MINAR1: variants seen among roughly 807,000 people sequenced by gnomAD.
The protein encoded by MINAR1 is major intrinsically disordered Notch2-binding receptor 1.
Under a neutral mutation model 65.1 loss-of-function variants are expected in MINAR1, and 40 were observed. That is an observed-to-expected ratio of 0.61 (90% CI 0.48 to 0.80). MINAR1 has a LOEUF of 0.80. MINAR1 is among the 30% of genes least tolerant of loss of function. MINAR1 has a pLI of 0.00. For missense variants in MINAR1, 1,128 were observed against 1,148.0 expected (o/e 0.98, Z 0.25); for synonymous variants, 482 against 449.1 (o/e 1.07, Z -0.93).
chr15:79,469,682 A>C lies in MINAR1; in HGVS notation c.*1298A>C, dbSNP rs1394241104. 1.3e-5 allele frequency: 2 copies of C among 152,620 alleles called. No individual in the cohort carries two copies. Among genetic ancestry groups the C allele is most frequent in the East Asian group, 3.8e-4 (2 of 5,204 alleles). The allele number at this position is 152,620 out of a possible 1,614,324, so 9.5% of individuals were successfully genotyped here. On this transcript the variant is annotated 3_prime_UTR_variant, in exon 4 of 4. Coordinates refer to ENST00000305428, the MANE Select transcript of MINAR1 (RefSeq NM_015206.3). ...TTTCATCCAAATTTGATCTGTTTCCACCTGCTGAATGGTGCTCTGACAATA... is the reference window on the plus strand; with the variant it reads ...TTTCATCCAAATTTGATCTGTTTCCCCCTGCTGAATGGTGCTCTGACAATA...
rs759789839 is a variant in MINAR1 at position 79,456,134 on chromosome 15, TC to T, written c.-13del. ...AGTTTCAGTGTAGTCAGAGAGCTCT[TC>T]AAGTAATAAATCATGGAGACCAGTC... is the stretch of plus-strand genomic sequence containing the variant. On this transcript the variant is annotated 5_prime_UTR_variant, in exon 2 of 4. Transcript: ENST00000305428. 1.2e-6 allele frequency: 2 copies of T among 1,608,062 alleles called. No individual in the cohort carries two copies. Among genetic ancestry groups the T allele is most frequent in the South Asian group, 2.2e-5 (2 of 90,394 alleles).
In MINAR1 at chr15:79,457,417, C is replaced by T. The variant is rs762572890; in HGVS notation, c.1270C>T (p.Leu424Phe). 8 of 1,614,072 alleles carry T rather than the reference C, an allele frequency of 5.0e-6. No homozygotes were observed. Among genetic ancestry groups the T allele is most frequent in the Non-Finnish European group, 6.8e-6 (8 of 1,180,020 alleles). The change falls in exon 2 of 4, where the codon CTC becomes TTC. Residue 424 changes from leucine (L) to phenylalanine (F), a missense_variant. By Grantham distance (22) the Leu-to-Phe change is conservative. Transcript: ENST00000305428. ...YLVPKDQQPI[L>F]PIAYAAKQNG... ...TGTGCCAAAGGATCAACAGCCAATT[C>T]TCCCCATTGCTTATGCGGCAAAACA... is the stretch of plus-strand genomic sequence containing the variant.
At chr15:79,451,479 C>A (rs1023450790) in intron 1 of MINAR1, among the ~76,000 whole-genome samples, 5 of 152,056 alleles carry the variant, frequency 3.3e-5, no homozygotes, top group African/African-American at 9.7e-5. Flanking sequence ...GCCGAGGCAG[C>A]AGGCCTCCAA....
upstream of MINAR1, among the ~76,000 whole-genome samples, chr15:79,431,848 G>C (rs527407335): frequency 5.8e-4 from 88 of 152,324 alleles, no homozygotes; most frequent in Admixed American, 2.4e-3. Context: ...CGCGACCTGG[G>C]ACCGAACGGA....
chr15:79,468,214 T>C lies in MINAR1; in HGVS notation c.2581T>C (p.Leu861=), dbSNP rs1895944825. The part of the protein sequence containing the change: ...QTQESLNPNN[L]EYWMEDIYTP... ...GCAAGAATCTTTAAACCCAAATAAT[T>C]TAGAGTACTGGATGGAAGACATTTA... Residue 861 remains leucine, a synonymous_variant, in exon 4 of 4, where the codon TTA becomes CTA. Coordinates refer to ENST00000305428, the MANE Select transcript of MINAR1 (RefSeq NM_015206.3). 1 of 1,613,968 alleles carries C rather than the reference T, an allele frequency of 6.2e-7. No individual in the cohort carries two copies. Among genetic ancestry groups the C allele is most frequent in the Non-Finnish European group, 8.5e-7 (1 of 1,179,894 alleles).
chr15:79,446,617 C>T (rs1179000516), intron 1 of MINAR1, among the ~76,000 whole-genome samples: 1 of 151,426 alleles, frequency 6.6e-6, no homozygotes, highest in Non-Finnish European at 1.5e-5. Context: ...TTTTTCTTTT[C>T]ATTTCTGGTA....
Position 79,463,301 on chromosome 15 carries a change from C to G in MINAR1, c.2533C>G (p.Leu845Val). Residue 845 changes from leucine to valine, a missense_variant, in exon 3 of 4, where the codon CTG becomes GTG. Physicochemically the swap from Leu to Val is conservative, Grantham distance 32. Coordinates refer to ENST00000305428, the MANE Select transcript of MINAR1 (RefSeq NM_015206.3). ...YARNAGDKGKLTALDLQTQES... is the reference protein window; with the variant it reads ...YARNAGDKGKVTALDLQTQES... ...ACGGAATGCGGGCGACAAGGGCAAG[C>G]TGACAGCCCTGGACCTGCAGGTGAG... The G allele has an allele frequency of 6.2e-7, 1 of 1,613,798 alleles. No homozygotes were observed. Among genetic ancestry groups the G allele is most frequent in the Non-Finnish European group, 8.5e-7 (1 of 1,179,752 alleles).
In MINAR1 at chr15:79,458,453, AAATTT is replaced by A. The variant is rs1567059690; in HGVS notation, c.2298+11_2298+15del. The A allele has an allele frequency of 6.2e-7, 1 of 1,606,924 alleles. No individual in the cohort carries two copies. Among genetic ancestry groups the A allele is most frequent in the South Asian group, 1.1e-5 (1 of 90,478 alleles). On this transcript the variant is annotated intron_variant, in intron 2 of 3. Transcript: ENST00000305428. ...CATCGGAAATCTAAAGAGGTAATTT[AAATTT>A]AAGTTCACATAATCGGGCACCAGCT...
chr15:79,450,073 G>A (rs1027803738), intron 1 of MINAR1, among the ~76,000 whole-genome samples: 63 of 152,168 alleles, frequency 4.1e-4, no homozygotes, highest in African/African-American at 1.5e-3. Flanking sequence ...GTCAGAACTG[G>A]CATTCTTGCA....
At chr15:79,446,503 C>G (rs1167306122) in intron 1 of MINAR1, among the ~76,000 whole-genome samples, 5 of 151,680 alleles carry the variant, frequency 3.3e-5, no homozygotes, top group Admixed American at 3.3e-4. Flanking sequence ...TTATTTTTTT[C>G]AGTATTTTAA....
At chr15:79,437,750 A>T (rs1420240836) in intron 1 of MINAR1, among the ~76,000 whole-genome samples, 3 of 11,450 alleles carry the variant, frequency 2.6e-4, no homozygotes, top group Non-Finnish European at 3.4e-4. Flanking sequence ...GGGTGTGTGT[A>T]GGTAGTGTGT....
At chr15:79,467,117 A>T (rs1895893155) in intron 3 of MINAR1, among the ~76,000 whole-genome samples, 1 of 152,238 alleles carries the variant, frequency 6.6e-6, no homozygotes, top group Non-Finnish European at 1.5e-5. Flanking sequence ...GCAGAGAATT[A>T]CTAGCATGCA....
chr15:79,437,516 G>C (rs1894640281), intron 1 of MINAR1, among the ~76,000 whole-genome samples: 1 of 150,886 alleles, frequency 6.6e-6, no homozygotes, highest in Admixed American at 6.6e-5. Context: ...TGAGTGGGTA[G>C]AGGTGTGGAT....
rs751815753 is a variant in MINAR1, at chr15:79,472,054, A to C, written c.*3670A>C. On this transcript the variant is annotated 3_prime_UTR_variant, in exon 4 of 4. Coordinates refer to ENST00000305428, the MANE Select transcript of MINAR1 (RefSeq NM_015206.3). Reference sequence around the variant, plus strand: ...GAATGTAAGGTGAAATTTTATGTGCAAGATCCTGAAGGAATGGGTATTCTT... The same window carrying C: ...GAATGTAAGGTGAAATTTTATGTGCCAGATCCTGAAGGAATGGGTATTCTT... 40 of 152,626 alleles carry C rather than the reference A, an allele frequency of 2.6e-4. No homozygotes were observed. The highest frequency in any genetic ancestry group is 5.3e-4 in the Non-Finnish European group (36 of 68,028). 9.5% of individuals were successfully genotyped at this position (152,626 alleles called of 1,614,324 possible).
the MINAR1 span, chr15:79,419,366 A>G: frequency 6.6e-6 from 1 of 152,260 alleles, no homozygotes; most frequent in East Asian, 1.9e-4. Flanking sequence ...GAAGTGGACC[A>G]CCACCAGTGT....
chr15:79,440,093 A>ATT (rs1894829034), intron 1 of MINAR1, among the ~76,000 whole-genome samples: 1 of 152,114 alleles, frequency 6.6e-6, no homozygotes, highest in Non-Finnish European at 1.5e-5. Context: ...CTAGTCCAGA[A>ATT]TTTCCCAGTT....
chr15:79,425,448 C>A, the MINAR1 span: 4 of 152,198 alleles, frequency 2.6e-5, no homozygotes, highest in Non-Finnish European at 2.9e-5. Context: ...CCCACTTACC[C>A]CTGTACCAGG....
the MINAR1 span, chr15:79,426,186 G>A: frequency 1.3e-5 from 2 of 153,150 alleles, no homozygotes; most frequent in African/African-American, 2.4e-5. Flanking sequence ...GGGGGAGTTG[G>A]GGGGCTGGAA....
chr15:79,433,426 G>A (rs1221355101), intron 1 of MINAR1, among the ~76,000 whole-genome samples: 1 of 152,148 alleles, frequency 6.6e-6, no homozygotes, highest in African/African-American at 2.4e-5. Context: ...AGTTATGTTT[G>A]GTGAAGATCT....
Sources: allele counts gnomAD v4.1 joint callset (sites outside exome capture counted in the v4.1 genomes callset), GRCh38; gene constraint gnomAD v4.1.1; transcripts MANE v1.5; gene names NCBI Gene and HGNC (gene_info 2026-07-23, HGNC 2026-07-21).